ANOS1: variants seen among roughly 807,000 people sequenced by gnomAD.
The protein encoded by ANOS1 is anosmin-1.
ANOS1 carries 6 observed loss-of-function variants against 59.0 expected under a neutral mutation model. That is an observed-to-expected ratio of 0.10 (90% CI 0.06 to 0.20). The LOEUF (loss-of-function observed/expected upper bound fraction) is 0.20, where lower values mean the gene tolerates loss of function less well. Among genes scored for constraint, ANOS1 ranks in the 10% least tolerant of loss-of-function variants. ANOS1 has a pLI of 1.00. For missense variants in ANOS1, 433 were observed against 542.3 expected (o/e 0.80, Z 2.00); for synonymous variants, 217 against 223.4 (o/e 0.97, Z 0.25).
At chrX:8,582,634 C>A (rs146099629) in intron 6 of ANOS1, among the ~76,000 whole-genome samples, 22 of 110,956 alleles carry the variant, frequency 2.0e-4, no homozygotes, top group African/African-American at 7.2e-4. Flanking sequence ...CAGGTGGCTG[C>A]GTTGAGAGAG....
intron 2 of ANOS1, among the ~76,000 whole-genome samples, chrX:8,650,114 T>C (rs1375518686): frequency 8.9e-6 from 1 of 112,384 alleles, no homozygotes; most frequent in African/African-American, 3.2e-5. Flanking sequence ...CTCTTGAGAC[T>C]TGCAACTTTT....
Position 8,568,291 on chromosome X carries a change from G to A in ANOS1, c.1148C>T (p.Thr383Ile), listed in dbSNP as rs764523153. 5 of 1,209,827 alleles carry A rather than the reference G, an allele frequency of 4.1e-6. No individual in the cohort carries two copies. The highest frequency in any genetic ancestry group is 1.8e-5 in the South Asian group (1 of 56,933). ...ELQAITYWGQ[T>I]RLKSAKVSLH... ...GGACACCTTTGCACTCTTCAGCCGT[G>A]TCTGTCCCCAGTACGTTATGGCTTG... Residue 383 changes from threonine to isoleucine, a missense_variant, in exon 8 of 14, where the codon ACA becomes ATA. By Grantham distance (89) the Thr-to-Ile change is moderately conservative. Coordinates refer to ENST00000262648, the MANE Select transcript of ANOS1 (RefSeq NM_000216.4).
At chrX:8,615,582 G>T (rs375721789) in intron 3 of ANOS1, among the ~76,000 whole-genome samples, 1 of 107,799 alleles carries the variant, frequency 9.3e-6, no homozygotes. Flanking sequence ...AAAGAAAATT[G>T]TCTATGTGTC....
chrX:8,672,165 T>TACAC (rs111374928), intron 2 of ANOS1, among the ~76,000 whole-genome samples: 30 of 102,456 alleles, frequency 2.9e-4, no homozygotes, highest in African/African-American at 6.6e-4. Flanking sequence ...CACATGCACA[T>TACAC]ACACACACAC....
chrX:8,667,659 T>C (rs1932170468), intron 2 of ANOS1, among the ~76,000 whole-genome samples: 1 of 111,486 alleles, frequency 9.0e-6, no homozygotes, highest in African/African-American at 3.3e-5. Context: ...TCAGACCCTG[T>C]GAGGTCTACT....
At chrX:8,556,235 G>C (rs1569047662) in intron 8 of ANOS1, among the ~76,000 whole-genome samples, 1 of 111,852 alleles carries the variant, frequency 8.9e-6, no homozygotes, top group Admixed American at 9.5e-5. Flanking sequence ...ATACTGAATG[G>C]GGAAAAGCCA....
chrX:8,649,993 T>G (rs1042324986), intron 2 of ANOS1, among the ~76,000 whole-genome samples: 7 of 113,127 alleles, frequency 6.2e-5, no homozygotes, highest in Non-Finnish European at 1.1e-4. Flanking sequence ...GCATCTCACA[T>G]GCCTAAATCC....
intron 1 of ANOS1, among the ~76,000 whole-genome samples, chrX:8,720,400 G>A (rs1932866815): frequency 9.0e-6 from 1 of 111,209 alleles, no homozygotes; most frequent in Admixed American, 9.6e-5. Context: ...TTCATTACAT[G>A]CATGGAAAAT....
intron 9 of ANOS1, among the ~76,000 whole-genome samples, chrX:8,553,356 A>G (rs1417829959): frequency 8.9e-6 from 1 of 111,991 alleles, no homozygotes; most frequent in Non-Finnish European, 1.9e-5. Context: ...GAATAATGAC[A>G]TGTATTATGA....
rs1569047206 is a variant in ANOS1 at position 8,554,568 on chromosome X, T to TTTG, written c.1208-473_1208-471dup. Among the ~76,000 whole-genome samples, 172 of 94,857 alleles carry TTTG rather than the reference T, an allele frequency of 1.8e-3. 1 individual carries two copies. Among genetic ancestry groups the TTTG allele is most frequent in the African/African-American group, 4.9e-3 (117 of 23,979 alleles). 82.4% of individuals were successfully genotyped at this position (94,857 alleles called of 115,157 possible). ...TTTTTTTTTTTTTTTTTTTTTTTTT[T>TTTG]TTGTTGTTGTTGTTGTTTTAGATGG... On this transcript the variant is annotated intron_variant, in intron 8 of 13. Coordinates refer to ENST00000262648, the MANE Select transcript of ANOS1 (RefSeq NM_000216.4).
At chrX:8,718,789 C>T (rs1932856419) in intron 1 of ANOS1, among the ~76,000 whole-genome samples, 1 of 111,773 alleles carries the variant, frequency 8.9e-6, no homozygotes, top group African/African-American at 3.3e-5. Flanking sequence ...AATTACGCCT[C>T]TAGGTGAGCA....
chrX:8,731,113 C>T (rs1354576322), intron 1 of ANOS1, among the ~76,000 whole-genome samples: 1 of 112,293 alleles, frequency 8.9e-6, no homozygotes. Context: ...TGAGGAGTAT[C>T]CGAATACGGC....
At chrX:8,669,917 T>C (rs1038307970) in intron 2 of ANOS1, among the ~76,000 whole-genome samples, 2 of 111,951 alleles carry the variant, frequency 1.8e-5, no homozygotes, top group Non-Finnish European at 3.8e-5. Flanking sequence ...ATCATTTGGA[T>C]AGGGTAAACA....
In ANOS1 at chrX:8,686,794, A is replaced by T. The variant is rs763658203; in HGVS notation, c.255+12904T>A. ...TAGCGAAACCCCCACTCTACTAAAA[A>T]AATACAAAAATTAGCCGGGTGTGGT... is the stretch of plus-strand genomic sequence containing the variant. On this transcript the variant is annotated intron_variant, in intron 2 of 13. Coordinates refer to ENST00000262648, the MANE Select transcript of ANOS1 (RefSeq NM_000216.4). 4.3e-3 allele frequency among the ~76,000 whole-genome samples: 475 copies of T among 110,912 alleles called. 3 individuals carry two copies. Among genetic ancestry groups the T allele is most frequent in the African/African-American group, 0.015 (452 of 30,465 alleles).
At chrX:8,623,815 A>G in intron 2 of ANOS1, 145 bp from the exon 3 acceptor site, 1 of 495,172 alleles carries the variant, frequency 2.0e-6, no homozygotes, top group South Asian at 2.9e-5. Context: ...TGCTCTTTTT[A>G]ACTGGGTATA....
chrX:8,663,248 G>A (rs1382273973), intron 2 of ANOS1, among the ~76,000 whole-genome samples: 1 of 111,391 alleles, frequency 9.0e-6, no homozygotes, highest in African/African-American at 3.3e-5. Flanking sequence ...AGCAGCCTGA[G>A]CAAACTGATA....
At chrX:8,595,338 T>A (rs765872243) in intron 4 of ANOS1, among the ~76,000 whole-genome samples, 1 of 111,585 alleles carries the variant, frequency 9.0e-6, no homozygotes, top group South Asian at 3.8e-4. Context: ...CAATAAAACT[T>A]TAAAACTATT....
rs1238029347 is a variant in ANOS1, at chrX:8,618,684, C to T, written c.318+4924G>A. On this transcript the variant is annotated intron_variant, in intron 3 of 13. Transcript: ENST00000262648. ...ATAATGCCATTTAAAATTTAAGATT[C>T]CATTGATTGTGAGAAAGGAATGTTT... 5.4e-5 allele frequency among the ~76,000 whole-genome samples: 6 copies of T among 111,971 alleles called. No homozygotes were observed. In the Admixed American group the frequency reaches 5.7e-4, roughly 11 times the overall value.
intron 1 of ANOS1, among the ~76,000 whole-genome samples, chrX:8,706,721 G>T (rs1254744115): frequency 9.0e-6 from 1 of 111,633 alleles, no homozygotes; most frequent in East Asian, 2.8e-4. Flanking sequence ...AAAATAAAAA[G>T]TCTATTGAAA....
Sources: gnomAD v4.1 joint callset for allele counts (sites outside exome capture counted in the v4.1 genomes callset) on GRCh38, gnomAD v4.1.1 for gene constraint, MANE v1.5 for transcripts, NCBI Gene and HGNC (gene_info 2026-07-23, HGNC 2026-07-21) for gene names.